Variants in CDH13 observed in about 807,000 individuals in gnomAD.
CDH13 encodes the protein cadherin 13.
CDH13 carries 24 observed loss-of-function variants against 63.8 expected under a neutral mutation model. That is an observed-to-expected ratio of 0.38 (90% CI 0.27 to 0.53). The LOEUF is 0.53. Among genes scored for constraint, CDH13 ranks in the 20% least tolerant of loss-of-function variants. The probability of loss-of-function intolerance (pLI) is 0.85; values close to 1 mark genes in which losing one functional copy is unlikely to be tolerated. For synonymous variants in CDH13, 503 were observed against 355.3 expected (o/e 1.42, Z -4.67); for missense variants, 1,049 against 903.1 (o/e 1.16, Z -2.07).
At chr16:83,084,012 G>GACCTAT (rs1410283328) in intron 3 of CDH13, among the ~76,000 whole-genome samples, 2 of 152,138 alleles carry the variant, frequency 1.3e-5, no homozygotes, top group African/African-American at 4.8e-5. Flanking sequence ...AGCTGCTGTG[G>GACCTAT]ACCTATCATA....
intron 5 of CDH13, among the ~76,000 whole-genome samples, chr16:83,320,786 T>C (rs2090206437): frequency 6.6e-6 from 1 of 152,196 alleles, no homozygotes; most frequent in Non-Finnish European, 1.5e-5. Context: ...CACATCACCG[T>C]CAGCCAACAA....
In CDH13 at chr16:83,047,238, T is replaced by TTTA. The variant is rs760506934; in HGVS notation, c.366+15023_366+15025dup. ...CACTCTTACTCCAGAGGCCTGTGTA[T>TTTA]TTATTTATTTATTTATTTTTTTGGT... On this transcript the variant is annotated intron_variant, in intron 3 of 13. Coordinates refer to ENST00000567109, the MANE Select transcript of CDH13 (RefSeq NM_001257.5). This position sits in a 1 kb window ranked among gnomAD's most constrained non-coding sequence, Gnocchi z 4.9. Among the ~76,000 whole-genome samples the TTTA allele has an allele frequency of 6.6e-5, 10 of 151,814 alleles. No individual in the cohort carries two copies. The highest frequency in any genetic ancestry group is 1.0e-4 in the Non-Finnish European group (7 of 67,830).
At chr16:82,852,641 G>A (rs1326459900) in intron 1 of CDH13, among the ~76,000 whole-genome samples, 3 of 152,140 alleles carry the variant, frequency 2.0e-5, no homozygotes, top group African/African-American at 7.2e-5. Flanking sequence ...AGTTCTTATA[G>A]CTTGAAAAGG....
At chr16:83,772,391 A>T (rs1037849890) in intron 11 of CDH13, among the ~76,000 whole-genome samples, 1 of 152,000 alleles carries the variant, frequency 6.6e-6, no homozygotes, top group Non-Finnish European at 1.5e-5. Context: ...TGGATAAAAA[A>T]TAAGAATTCT....
At chr16:83,031,301 C>G (rs1203320161) in intron 2 of CDH13, among the ~76,000 whole-genome samples, 2 of 14,414 alleles carry the variant, frequency 1.4e-4, no homozygotes, top group African/African-American at 4.4e-4. Flanking sequence ...GCGCATGTAT[C>G]CATGCGCATG....
intron 10 of CDH13, among the ~76,000 whole-genome samples, chr16:83,684,112 A>T (rs1041461954): frequency 3.3e-5 from 5 of 152,364 alleles, no homozygotes; most frequent in Admixed American, 2.6e-4. Flanking sequence ...CACACCTGTA[A>T]TCCCAATATT....
chr16:83,208,079 G>A (rs2039234270), intron 4 of CDH13, among the ~76,000 whole-genome samples: 4 of 152,086 alleles, frequency 2.6e-5, no homozygotes, highest in Admixed American at 1.3e-4. Context: ...AGCTCCATTT[G>A]ACCTTGGTGA....
At chr16:83,689,665 A>G (rs930246393) in intron 10 of CDH13, among the ~76,000 whole-genome samples, 3 of 152,216 alleles carry the variant, frequency 2.0e-5, no homozygotes, top group Admixed American at 1.3e-4. Context: ...TTCCTCATGC[A>G]TTCCAATAGC....
At chr16:82,722,368 A>T (rs188596973) in intron 1 of CDH13, among the ~76,000 whole-genome samples, 10 of 152,220 alleles carry the variant, frequency 6.6e-5, no homozygotes, top group Non-Finnish European at 1.3e-4. Flanking sequence ...GATACCGGCT[A>T]TTGGCAGACT....
intron 10 of CDH13, among the ~76,000 whole-genome samples, chr16:83,747,592 C>G (rs992124693): frequency 1.2e-4 from 17 of 147,826 alleles, no homozygotes; most frequent in African/African-American, 3.7e-4. Context: ...TGTCTGTCCT[C>G]TCACTCTCTG....
chr16:83,171,562 C>T (rs1258760973), intron 4 of CDH13: 15 of 1,533,744 alleles, frequency 9.8e-6, no homozygotes, highest in South Asian at 1.2e-5. Context: ...CGATGGCTGA[C>T]ATGAGATAAG....
chr16:83,646,922 T>G (rs1331202487), intron 8 of CDH13, among the ~76,000 whole-genome samples: 2 of 151,950 alleles, frequency 1.3e-5, no homozygotes, highest in South Asian at 4.1e-4. Flanking sequence ...GAACTTGCAG[T>G]CCACATCACA....
chr16:83,669,643 C>G (rs992041664), intron 8 of CDH13, among the ~76,000 whole-genome samples: 3 of 152,174 alleles, frequency 2.0e-5, no homozygotes, highest in Non-Finnish European at 4.4e-5. Context: ...TTGCAGTCCC[C>G]GCCCTGTCCC....
rs543671457 is a variant in CDH13 at position 83,357,820 on chromosome 16, T to C, written c.781+12814T>C. Among the ~76,000 whole-genome samples, 3 of 152,320 alleles carry C rather than the reference T, an allele frequency of 2.0e-5. No homozygotes were observed. In the South Asian group the frequency reaches 6.2e-4, roughly 32 times the overall value. On this transcript the variant is annotated intron_variant, in intron 6 of 13. Coordinates refer to ENST00000567109, the MANE Select transcript of CDH13 (RefSeq NM_001257.5). ...GGAGAGATGCTACAAATTGTAGGCA[T>C]TGGTTGGTACCTTTTTATAGTGAGC...
intron 8 of CDH13, among the ~76,000 whole-genome samples, chr16:83,653,931 G>A (rs1373105223): frequency 6.6e-6 from 1 of 152,150 alleles, no homozygotes; most frequent in African/African-American, 2.4e-5. Context: ...TTGAAGGCTT[G>A]GATAGGGGAA....
intron 2 of CDH13, among the ~76,000 whole-genome samples, chr16:82,993,557 A>G (rs1375876732): frequency 6.6e-6 from 1 of 152,202 alleles, no homozygotes. Context: ...GCCATGTTTA[A>G]GAAGTTTTCT....
chr16:83,557,107 G>A (rs1305254452), intron 7 of CDH13, among the ~76,000 whole-genome samples: 1 of 152,176 alleles, frequency 6.6e-6, no homozygotes, highest in Non-Finnish European at 1.5e-5. Context: ...TGTCAGATGA[G>A]TGGCAGCATT....
Position 83,098,830 on chromosome 16 carries a change from A to AT in CDH13, c.367-26550dup, listed in dbSNP as rs762659573. Among the ~76,000 whole-genome samples the AT allele has an allele frequency of 3.5e-4, 54 of 152,290 alleles. 1 individual carries two copies. Among genetic ancestry groups the AT allele is most frequent in the Non-Finnish European group, 5.3e-4 (36 of 68,028 alleles). On this transcript the variant is annotated intron_variant, in intron 3 of 13. Transcript: ENST00000567109. ...GAGCAATTTGATTATGATAAGAAAC[A>AT]TTTTTGAGTGGAGAATCAAGGGAAG...
rs192551329 is a variant in CDH13, at chr16:82,850,041, C to T, written c.46-8321C>T. Reference sequence around the variant, plus strand: ...TTTTCACACCTGCTAATATAATTTCCATTTTTCAGCCCGTGAATCCAGAAG... The same window carrying T: ...TTTTCACACCTGCTAATATAATTTCTATTTTTCAGCCCGTGAATCCAGAAG... On this transcript the variant is annotated intron_variant, in intron 1 of 13. Transcript: ENST00000567109. Among the ~76,000 whole-genome samples the T allele has an allele frequency of 1.1e-3, 163 of 152,290 alleles. 4 individuals carry two copies. In the Middle Eastern group the frequency reaches 0.037, roughly 35 times the overall value.
Sources: gnomAD v4.1 joint callset for allele counts (sites outside exome capture counted in the v4.1 genomes callset) on GRCh38, gnomAD v4.1.1 for gene constraint, Gnocchi (gnomAD v3.1) non-coding constraint, MANE v1.5 for transcripts, NCBI Gene and HGNC (gene_info 2026-07-23, HGNC 2026-07-21) for gene names.